The following RBFOX1 variants were observed in gnomAD, a reference collection of about 807,000 sequenced individuals.
RBFOX1 encodes RNA binding protein fox-1 homolog 1.
RBFOX1 carries 8 observed loss-of-function variants against 57.7 expected under a neutral mutation model. That is an observed-to-expected ratio of 0.14 (90% confidence interval 0.08 to 0.25). The LOEUF (loss-of-function observed/expected upper bound fraction) is 0.25, where lower values mean the gene tolerates loss of function less well. Ranked by LOEUF, RBFOX1 falls within the 10% of genes least tolerant of loss-of-function variation. The probability of loss-of-function intolerance (pLI) is 1.00; values close to 1 mark genes in which losing one functional copy is unlikely to be tolerated. For synonymous variants in RBFOX1, 326 were observed against 222.4 expected, an observed-to-expected ratio of 1.47 and a Z score of -4.15; for missense variants, 611 against 548.5, an observed-to-expected ratio of 1.11 and a Z score of -1.14.
At chr16:6,407,906 A>G (rs947760142) in intron 2 of RBFOX1, among the ~76,000 whole-genome samples, 1 of 152,126 alleles carries the variant, frequency 6.6e-6, no homozygotes, top group Non-Finnish European at 1.5e-5. Context: ...CCCAGAATTC[A>G]TATGTTGAAG....
chr16:6,746,120 A>G (rs1261686670), intron 3 of RBFOX1, among the ~76,000 whole-genome samples: 1 of 152,184 alleles, frequency 6.6e-6, no homozygotes, highest in African/African-American at 2.4e-5. Context: ...AGGAGTTGAA[A>G]GAGACTTAAA....
chr16:7,471,276 A>G (rs4786173), intron 4 of RBFOX1, among the ~76,000 whole-genome samples: 54,372 of 152,024 alleles, frequency 0.36, 10,840 homozygotes, highest in Non-Finnish European at 0.46. Context: ...GCTTTAGGCT[A>G]TTTCCAACAG....
intron 3 of RBFOX1, among the ~76,000 whole-genome samples, chr16:7,008,290 C>T (rs972265828): frequency 1.3e-5 from 2 of 151,916 alleles, no homozygotes; most frequent in African/African-American, 2.4e-5. Flanking sequence ...ACCTGTAATC[C>T]CAGCACTTTG....
At chr16:5,974,413 A>G (rs2060021505) in intron 4 of RBFOX1, among the ~76,000 whole-genome samples, 1 of 152,054 alleles carries the variant, frequency 6.6e-6, no homozygotes, top group Non-Finnish European at 1.5e-5. Flanking sequence ...GTTCGAGACC[A>G]GCCTGGCCAA....
intron 3 of RBFOX1, among the ~76,000 whole-genome samples, chr16:5,767,193 A>T (rs1267051739): frequency 6.6e-6 from 1 of 152,220 alleles, no homozygotes; most frequent in Non-Finnish European, 1.5e-5. Context: ...TGGTAGAAAT[A>T]CCACAGAAGT....
At chr16:6,858,600 C>G (rs530306990) in intron 3 of RBFOX1, among the ~76,000 whole-genome samples, 5 of 152,194 alleles carry the variant, frequency 3.3e-5, no homozygotes, top group African/African-American at 1.2e-4. Context: ...TGATTTCATT[C>G]TCTTTATGTG....
chr16:7,261,824 T>G (rs1164487837), intron 4 of RBFOX1, among the ~76,000 whole-genome samples: 1 of 152,200 alleles, frequency 6.6e-6, no homozygotes, highest in Non-Finnish European at 1.5e-5. Context: ...ATTACTGATA[T>G]CCAGACCCTC....
At chr16:7,125,975 C>G (rs534505744) in intron 4 of RBFOX1, among the ~76,000 whole-genome samples, 11 of 152,152 alleles carry the variant, frequency 7.2e-5, no homozygotes, top group African/African-American at 2.6e-4. Flanking sequence ...CCCAGCTGCT[C>G]GGGAGGCTGA....
At position 5,881,611 on chromosome 16, in the gene RBFOX1, C is replaced by T. The variant is rs541583705; in HGVS notation, c.351+14276C>T. Among the ~76,000 whole-genome samples, 12 of 152,158 alleles carry T rather than the reference C, an allele frequency of 7.9e-5. No homozygotes were observed. In the South Asian group the frequency reaches 1.2e-3, roughly 16 times the overall value. On this transcript the variant is annotated intron_variant, in intron 4 of 19. Coordinates refer to the RBFOX1 transcript ENST00000641259. ...GGGAGGAGCATTTGAACCTGGGAGG[C>T]GGAGGTTGCTGTGAGTCAAAATTGT...
At chr16:7,698,871 C>G (rs1018340139) in intron 14 of RBFOX1, among the ~76,000 whole-genome samples, 2 of 152,166 alleles carry the variant, frequency 1.3e-5, no homozygotes, top group Non-Finnish European at 2.9e-5. Flanking sequence ...TAACAATACC[C>G]TATAAAGTGT....
intron 2 of RBFOX1, among the ~76,000 whole-genome samples, chr16:6,429,683 A>G (rs2094023365): frequency 6.6e-6 from 1 of 152,198 alleles, no homozygotes; most frequent in Non-Finnish European, 1.5e-5. Flanking sequence ...CATGGGAGTG[A>G]ATAAGTCTCA....
chr16:5,948,273 T>G (rs1226726228), intron 4 of RBFOX1, among the ~76,000 whole-genome samples: 10 of 152,158 alleles, frequency 6.6e-5, no homozygotes. Flanking sequence ...CTGCTGCTGA[T>G]TTGTAATTGA....
chr16:6,751,218 G>T (rs1180585289), intron 3 of RBFOX1, among the ~76,000 whole-genome samples: 1 of 152,132 alleles, frequency 6.6e-6, no homozygotes, highest in Non-Finnish European at 1.5e-5. Flanking sequence ...AGGGTATTGA[G>T]CTCTGATGTA....
intron 1 of RBFOX1, among the ~76,000 whole-genome samples, chr16:6,189,817 T>G (rs921916832): frequency 1.3e-5 from 2 of 152,248 alleles, no homozygotes; most frequent in Non-Finnish European, 2.9e-5. Flanking sequence ...GTTTGTCTTT[T>G]CACATGGTTA....
intron 3 of RBFOX1, among the ~76,000 whole-genome samples, chr16:6,988,482 A>C (rs1482622345): frequency 1.3e-5 from 2 of 152,128 alleles, no homozygotes; most frequent in African/African-American, 4.8e-5. Flanking sequence ...TGTTGTGATA[A>C]CATATTGGGC....
intron 3 of RBFOX1, among the ~76,000 whole-genome samples, chr16:6,825,612 C>T (rs2092019666): frequency 6.6e-6 from 1 of 152,162 alleles, no homozygotes; most frequent in South Asian, 2.1e-4. Context: ...GAAACTGCAA[C>T]ATCCTCTCCC....
rs377607980 is a variant in RBFOX1, at chr16:7,138,839, G to C, written c.27+86741G>C. Among the ~76,000 whole-genome samples, 273 of 152,234 alleles carry C rather than the reference G, an allele frequency of 1.8e-3. 2 individuals carry two copies. Among genetic ancestry groups the C allele is most frequent in the African/African-American group, 6.3e-3 (261 of 41,560 alleles). On this transcript the variant is annotated intron_variant, in intron 4 of 15. Transcript: ENST00000550418. The stretch of plus-strand genomic sequence containing the variant: ...AGACTTTTTTTATAAGATGGAGTCT[G>C]GCTCTGCTGCCTAGCCTGGAGTGCA...
At chr16:7,515,225 A>G (rs1042628913) in intron 4 of RBFOX1, among the ~76,000 whole-genome samples, 2 of 151,750 alleles carry the variant, frequency 1.3e-5, no homozygotes, top group Non-Finnish European at 2.9e-5. Flanking sequence ...GCCCAGAAAA[A>G]GAAAAGATGC....
At chr16:7,536,828 C>A (rs1268092121) in intron 5 of RBFOX1, among the ~76,000 whole-genome samples, 1 of 152,152 alleles carries the variant, frequency 6.6e-6, no homozygotes, top group Non-Finnish European at 1.5e-5. Flanking sequence ...ATTGGCAATG[C>A]TACAGATGAG....
Sources: gnomAD v4.1 joint callset for allele counts (sites outside exome capture counted in the v4.1 genomes callset) on GRCh38, gnomAD v4.1.1 for gene constraint, MANE v1.5 for transcripts, NCBI Gene and HGNC (gene_info 2026-07-23, HGNC 2026-07-21) for gene names.